NHSL1: variants seen among roughly 807,000 people sequenced by gnomAD.
NHSL1 encodes the protein NHS-like protein 1.
A neutral mutation model predicts 95.0 loss-of-function variants in NHSL1; 48 were observed. The ratio of observed to expected loss-of-function variants is 0.51; its 90% CI spans 0.40 to 0.64. NHSL1 has a LOEUF of 0.64. Among genes scored for constraint, NHSL1 ranks in the 30% least tolerant of loss-of-function variants. The pLI, the probability that NHSL1 is intolerant of heterozygous loss-of-function variation, is 0.00. For missense variants in NHSL1, 1,971 were observed against 2,077.7 expected (o/e 0.95, Z 1.00); for synonymous variants, 783 against 833.9 (o/e 0.94, Z 1.05).
At chr6:138,663,717 A>G (rs993635833) in intron 1 of NHSL1, among the ~76,000 whole-genome samples, 4 of 152,142 alleles carry the variant, frequency 2.6e-5, no homozygotes, top group African/African-American at 9.7e-5. Context: ...TAAAAAATAC[A>G]AAAAATAGCC....
intron 5 of NHSL1, among the ~76,000 whole-genome samples, chr6:138,441,096 T>C (rs112005006): frequency 0.013 from 1,982 of 152,136 alleles, 39 homozygotes; most frequent in African/African-American, 0.045. Flanking sequence ...CCCTAAGAGG[T>C]AGGTTCTATT....
chr6:138,575,959 A>ACATTCATT (rs1347213660), upstream of NHSL1, among the ~76,000 whole-genome samples: 1 of 135,390 alleles, frequency 7.4e-6, no homozygotes, highest in East Asian at 2.1e-4. Flanking sequence ...AAAAATCCCT[A>ACATTCATT]CATTTATTTA....
Position 138,443,036 on chromosome 6 carries a change from C to CAT in NHSL1, c.533-924_533-923dup, listed in dbSNP as rs71734086. Among the ~76,000 whole-genome samples the CAT allele has an allele frequency of 5.5e-3, 817 of 149,452 alleles. 22 individuals carry two copies. The highest frequency in any genetic ancestry group is 0.018 in the East Asian group (95 of 5,158). On this transcript the variant is annotated intron_variant, in intron 4 of 7. Transcript: ENST00000343505. ...TTTCAAATATACATATATATATACA[C>CAT]ATATATATACATATATACACACACA...
chr6:138,598,372 C>A (rs1295185160), intron 1 of NHSL1, among the ~76,000 whole-genome samples: 1 of 151,776 alleles, frequency 6.6e-6, no homozygotes, highest in Non-Finnish European at 1.5e-5. Flanking sequence ...GCAGGAGAAT[C>A]GCTTGAGCCT....
At chr6:138,475,797 A>G (rs1414432984) in intron 2 of NHSL1, among the ~76,000 whole-genome samples, 1 of 151,930 alleles carries the variant, frequency 6.6e-6, no homozygotes, top group East Asian at 1.9e-4. Context: ...AATGCAAAAC[A>G]AAAACAAAAA....
chr6:138,557,863 G>A (rs1783250398), intron 1 of NHSL1, among the ~76,000 whole-genome samples: 1 of 152,104 alleles, frequency 6.6e-6, no homozygotes, highest in South Asian at 2.1e-4. Flanking sequence ...CTATCCTTAC[G>A]ATGAAAAAAG....
chr6:138,432,907 A>G lies in NHSL1; in HGVS notation c.1438T>C (p.Ser480Pro). The G allele has an allele frequency of 6.4e-7, 1 of 1,551,624 alleles. No homozygotes were observed. Among genetic ancestry groups the G allele is most frequent in the Non-Finnish European group, 8.7e-7 (1 of 1,146,924 alleles). Residue 480 changes from serine to proline, a missense_variant, in exon 6 of 8, where the codon TCA (serine) becomes CCA (proline). Ser to Pro is a moderately conservative substitution (Grantham distance 74). Coordinates refer to ENST00000343505, the MANE Select transcript of NHSL1 (RefSeq NM_001144060.2). This position sits in a 1 kb window ranked among gnomAD's most constrained non-coding sequence, Gnocchi z 4.4. ...GGGGAATGAGGGTCTAAGTCCTGTGAAAGAATGGTGGCATGGCCCTCATTC... is the reference window on the plus strand; with the variant it reads ...GGGGAATGAGGGTCTAAGTCCTGTGGAAGAATGGTGGCATGGCCCTCATTC... Reference protein sequence around the residue: ...HWNEGHATILSQDLDPHSPGE... With the variant: ...HWNEGHATILPQDLDPHSPGE...
chr6:138,432,834 T>C lies in NHSL1; in HGVS notation c.1511A>G (p.Asn504Ser). The C allele has an allele frequency of 6.4e-7, 1 of 1,551,518 alleles. No homozygotes were observed. The highest frequency in any genetic ancestry group is 8.7e-7 in the Non-Finnish European group (1 of 1,146,880). Residue 504 changes from asparagine (N) to serine (S), a missense_variant, in exon 6 of 8, where the codon AAT becomes AGT. Transcript: ENST00000343505. The surrounding 1 kb of genome is among the most constrained non-coding windows in gnomAD (Gnocchi z 4.4). ...LSLCDSAVPLNAPANRENGSQ... is the reference protein window; with the variant it reads ...LSLCDSAVPLSAPANRENGSQ... ...CCCATTCTCCCTATTTGCTGGAGCA[T>C]TTAGAGGGACGGCTGAGTCACAGAG... is the stretch of plus-strand genomic sequence containing the variant.
At chr6:138,507,196 A>G (rs1781006043) in intron 1 of NHSL1, among the ~76,000 whole-genome samples, 1 of 152,206 alleles carries the variant, frequency 6.6e-6, no homozygotes, top group Non-Finnish European at 1.5e-5. Context: ...GGCAACTGAT[A>G]TGTTATGTCC....
chr6:138,469,032 C>T, intron 3 of NHSL1, among the ~76,000 whole-genome samples: 1 of 152,144 alleles, frequency 6.6e-6, no homozygotes, highest in East Asian at 1.9e-4. Flanking sequence ...TTTTTCAGAA[C>T]ACATTACAGA....
intron 4 of NHSL1, among the ~76,000 whole-genome samples, chr6:138,444,640 C>T (rs888305013): frequency 2.6e-5 from 4 of 151,780 alleles, no homozygotes; most frequent in African/African-American, 7.3e-5. Flanking sequence ...TCAATGCTCA[C>T]CCCAGCGAAC....
At chr6:138,490,964 T>A (rs139773967) in intron 2 of NHSL1, among the ~76,000 whole-genome samples, 1 of 152,244 alleles carries the variant, frequency 6.6e-6, no homozygotes, top group Non-Finnish European at 1.5e-5. Flanking sequence ...AACAGGTCGA[T>A]GTGTGCACCA....
At chr6:138,577,216 G>A (rs899960158), upstream of NHSL1, among the ~76,000 whole-genome samples, 3 of 152,216 alleles carry the variant, frequency 2.0e-5, no homozygotes, top group Non-Finnish European at 2.9e-5. Flanking sequence ...AAAGAGGACA[G>A]GATATAGGAT....
chr6:138,690,524 T>A (rs1349353533), intron 1 of NHSL1, among the ~76,000 whole-genome samples: 1 of 152,132 alleles, frequency 6.6e-6, no homozygotes, highest in African/African-American at 2.4e-5. Context: ...GTGGATCGCC[T>A]GAGGTTGGGA....
chr6:138,561,335 T>C (rs1236251334), intron 1 of NHSL1, among the ~76,000 whole-genome samples: 1 of 152,142 alleles, frequency 6.6e-6, no homozygotes, highest in East Asian at 1.9e-4. Context: ...ACCGGATCAG[T>C]ATGGGAGTGA....
At chr6:138,580,066 C>T (rs761530208) in intron 1 of NHSL1, among the ~76,000 whole-genome samples, 56 of 152,098 alleles carry the variant, frequency 3.7e-4, no homozygotes, top group Non-Finnish European at 4.1e-4. Context: ...CAGGAGCATC[C>T]AGGAAGCAAA....
At chr6:138,487,983 T>C (rs548708341) in intron 2 of NHSL1, among the ~76,000 whole-genome samples, 2 of 152,304 alleles carry the variant, frequency 1.3e-5, no homozygotes, top group East Asian at 1.9e-4. Context: ...AGTTTCTTGC[T>C]TGAATCTTAA....
At chr6:138,499,162 C>G (rs1780534116) in intron 1 of NHSL1, 71 bp downstream of exon 1, 7 of 952,792 alleles carry the variant, frequency 7.3e-6, no homozygotes, top group South Asian at 1.5e-5. Context: ...CACACACAGA[C>G]ACACAGGGAC....
intron 1 of NHSL1, among the ~76,000 whole-genome samples, chr6:138,688,430 G>C (rs963274745): frequency 4.6e-5 from 7 of 152,040 alleles, no homozygotes; most frequent in African/African-American, 1.4e-4. Context: ...TGGATCACGA[G>C]GTCAGGAGTT....
Sources: allele counts gnomAD v4.1 joint callset (sites outside exome capture counted in the v4.1 genomes callset), GRCh38; gene constraint gnomAD v4.1.1; non-coding constraint Gnocchi (gnomAD v3.1); transcripts MANE v1.5; gene names NCBI Gene and HGNC (gene_info 2026-07-23, HGNC 2026-07-21).